Variants in SEPTIN9 observed in about 807,000 individuals in gnomAD.
The protein encoded by SEPTIN9 is septin-9.
SEPTIN9 carries 13 observed loss-of-function variants against 56.6 expected under a neutral mutation model. The ratio of observed to expected loss-of-function variants is 0.23; its 90% CI spans 0.15 to 0.37. SEPTIN9 has a LOEUF of 0.37. Ranked by LOEUF, SEPTIN9 falls within the 10% of genes least tolerant of loss-of-function variation. The pLI is 1.00. For missense variants in SEPTIN9, 650 were observed against 823.1 expected, an observed-to-expected ratio of 0.79 and a Z score of 2.57; for synonymous variants, 332 against 334.1, an observed-to-expected ratio of 0.99 and a Z score of 0.07.
At chr17:77,305,803 C>T (rs1384950004) in intron 1 of SEPTIN9, among the ~76,000 whole-genome samples, 7 of 150,332 alleles carry the variant, frequency 4.7e-5, no homozygotes, top group African/African-American at 9.8e-5. Flanking sequence ...ACTCTGCCTC[C>T]GCTCTGAGCC....
rs943594876 is a variant in SEPTIN9, at chr17:77,437,078, G to A, written c.721+34375G>A. On this transcript the variant is annotated intron_variant, in intron 3 of 11. Coordinates refer to ENST00000427177, the MANE Select transcript of SEPTIN9 (RefSeq NM_001113491.2). This position sits in a 1 kb window ranked among gnomAD's most constrained non-coding sequence, Gnocchi z 5.3. ...CACACAGCCTAGCCAGGCCCAGGGCGCCGACCTCCTGCTCTGCCTTCCCGT... is the reference window on the plus strand; with the variant it reads ...CACACAGCCTAGCCAGGCCCAGGGCACCGACCTCCTGCTCTGCCTTCCCGT... Among the ~76,000 whole-genome samples the A allele has an allele frequency of 6.6e-6, 1 of 152,212 alleles. No homozygotes were observed. Among genetic ancestry groups the A allele is most frequent in the African/African-American group, 2.4e-5 (1 of 41,450 alleles).
intron 3 of SEPTIN9, among the ~76,000 whole-genome samples, chr17:77,462,980 G>A (rs1470197167): frequency 2.0e-5 from 3 of 152,188 alleles, no homozygotes; most frequent in Non-Finnish European, 2.9e-5. Flanking sequence ...GATGAAGAGT[G>A]GAAAGTCGTG....
chr17:77,406,543 C>A (rs892757769), intron 3 of SEPTIN9, among the ~76,000 whole-genome samples: 2 of 152,004 alleles, frequency 1.3e-5, no homozygotes, highest in Non-Finnish European at 2.9e-5. Flanking sequence ...GAGAAAGAAC[C>A]TAAAATTCAC....
intron 3 of SEPTIN9, among the ~76,000 whole-genome samples, chr17:77,466,984 A>G (rs1372753692): frequency 1.3e-5 from 2 of 152,150 alleles, no homozygotes; most frequent in African/African-American, 2.4e-5. Context: ...CTGGTACATT[A>G]GAGGACTTCT....
intron 2 of SEPTIN9, among the ~76,000 whole-genome samples, chr17:77,390,315 G>A (rs1173350212): frequency 2.4e-5 from 3 of 123,068 alleles, no homozygotes; most frequent in East Asian, 2.5e-4. Flanking sequence ...CCACTGCACC[G>A]CAGCCTGGGC....
At chr17:77,338,025 C>T (rs1598213532) in intron 2 of SEPTIN9, among the ~76,000 whole-genome samples, 1 of 152,022 alleles carries the variant, frequency 6.6e-6, no homozygotes, top group East Asian at 1.9e-4. Flanking sequence ...GGTGAAACCT[C>T]ATCTCTATTA....
chr17:77,309,643 G>C (rs2032404987), intron 2 of SEPTIN9, among the ~76,000 whole-genome samples: 1 of 152,134 alleles, frequency 6.6e-6, no homozygotes, highest in Admixed American at 6.5e-5. Flanking sequence ...CTCTTCTCGA[G>C]GTTGTGTTTG....
chr17:77,465,798 T>A (rs905357298), intron 3 of SEPTIN9, among the ~76,000 whole-genome samples: 2 of 151,978 alleles, frequency 1.3e-5, no homozygotes, highest in Non-Finnish European at 2.9e-5. Flanking sequence ...CACTTGCAGC[T>A]AGTTGCAGCG....
chr17:77,386,999 G>T (rs2035359707), intron 2 of SEPTIN9, among the ~76,000 whole-genome samples: 1 of 152,198 alleles, frequency 6.6e-6, no homozygotes, highest in African/African-American at 2.4e-5. Context: ...GGGACACACG[G>T]GTGACCTGAA....
Position 77,482,113 on chromosome 17 carries a change from C to T in SEPTIN9, c.722-31C>T, listed in dbSNP as rs769547740. 7.8e-6 allele frequency: 12 copies of T among 1,535,126 alleles called. No homozygotes were observed. The East Asian group carries it at 1.2e-4, about 16-fold the overall frequency. On this transcript the variant is annotated intron_variant, in intron 3 of 11. Transcript: ENST00000427177. ...GGCGCCTGTGTGTGAGCCCCTGTTC[C>T]GCTCTAACTCCTCTGCTGTTCCTTC...
intron 2 of SEPTIN9, among the ~76,000 whole-genome samples, chr17:77,332,647 A>G (rs2143715693): frequency 6.6e-6 from 1 of 152,266 alleles, no homozygotes; most frequent in Middle Eastern, 3.4e-3. Flanking sequence ...ATAGAACATC[A>G]CTATCACCCC....
chr17:77,490,215 T>C (rs1325542739), intron 7 of SEPTIN9, among the ~76,000 whole-genome samples: 1 of 152,212 alleles, frequency 6.6e-6, no homozygotes, highest in African/African-American at 2.4e-5. Flanking sequence ...GGGAAGATGG[T>C]GCCCCAGTTC....
chr17:77,423,417 A>G (rs543233627), intron 3 of SEPTIN9, among the ~76,000 whole-genome samples: 55 of 152,324 alleles, frequency 3.6e-4, no homozygotes, highest in Non-Finnish European at 6.5e-4. Context: ...ATGTTTAGGA[A>G]CCGGCGAGGC....
At chr17:77,482,852 C>T (rs2039515614) in intron 4 of SEPTIN9, 4 of 430,460 alleles carry the variant, frequency 9.3e-6, no homozygotes, top group African/African-American at 2.0e-5. Context: ...TCAGCACGAC[C>T]TGGGCAGGGT....
intron 7 of SEPTIN9, 88 bp downstream of exon 7, chr17:77,488,952 G>T: frequency 6.5e-7 from 1 of 1,529,024 alleles, no homozygotes. Flanking sequence ...TGTCTGCCCT[G>T]CTGCTGGGTG....
At chr17:77,424,991 AG>A (rs1360387862) in intron 3 of SEPTIN9, among the ~76,000 whole-genome samples, 1 of 152,188 alleles carries the variant, frequency 6.6e-6, no homozygotes, top group Non-Finnish European at 1.5e-5. Context: ...CAGTAGGGTG[AG>A]GGTAACCAGG....
intron 2 of SEPTIN9, among the ~76,000 whole-genome samples, chr17:77,316,821 C>T (rs762793346): frequency 4.6e-5 from 7 of 152,094 alleles, no homozygotes; most frequent in African/African-American, 7.2e-5. Context: ...ATCCTTCCGC[C>T]GCAGCCTCCC....
intron 11 of SEPTIN9, among the ~76,000 whole-genome samples, chr17:77,498,049 C>CGTG (rs2040348175): frequency 6.6e-6 from 1 of 151,914 alleles, no homozygotes; most frequent in South Asian, 2.1e-4. Context: ...GAGCCCAGGA[C>CGTG]TTTTTTTTCC....
At chr17:77,412,422 C>A (rs879086839) in intron 3 of SEPTIN9, among the ~76,000 whole-genome samples, 3 of 152,102 alleles carry the variant, frequency 2.0e-5, no homozygotes, top group African/African-American at 7.2e-5. Flanking sequence ...GTATCCTTTT[C>A]TTGTTGAAAT....
Sources: allele counts gnomAD v4.1 joint callset (sites outside exome capture counted in the v4.1 genomes callset), GRCh38; gene constraint gnomAD v4.1.1; non-coding constraint Gnocchi (gnomAD v3.1); transcripts MANE v1.5; gene names NCBI Gene and HGNC (gene_info 2026-07-23, HGNC 2026-07-21).